HS2ST1: variants seen among roughly 807,000 people sequenced by gnomAD.
HS2ST1 encodes heparan sulfate 2-O-sulfotransferase 1, also known as 2-O-sulfotransferase.
HS2ST1 carries 18 observed loss-of-function variants against 42.9 expected under a neutral mutation model. The ratio of observed to expected loss-of-function variants is 0.42; its 90% CI spans 0.29 to 0.62. The LOEUF is 0.62. Ranked by LOEUF, HS2ST1 falls within the 20% of genes least tolerant of loss-of-function variation. The pLI, the probability that HS2ST1 is intolerant of heterozygous loss-of-function variation, is 0.21. For missense variants in HS2ST1, 334 were observed against 433.8 expected (o/e 0.77, Z 2.04); for synonymous variants, 146 against 152.9 (o/e 0.95, Z 0.33).
chr1:87,103,896 AAGT>A (rs1348546311), intron 6 of HS2ST1, among the ~76,000 whole-genome samples: 1 of 152,176 alleles, frequency 6.6e-6, no homozygotes, highest in African/African-American at 2.4e-5. Context: ...TACCATTTTG[AAGT>A]AGAGGTGTGA....
chr1:87,081,352 A>G (rs557606965), intron 2 of HS2ST1, among the ~76,000 whole-genome samples: 2 of 152,232 alleles, frequency 1.3e-5, no homozygotes, highest in Non-Finnish European at 2.9e-5. Context: ...AATTGAAATT[A>G]TATCAAATAT....
In HS2ST1 at chr1:86,993,264, G is replaced by A. The variant is rs1038908843; in HGVS notation, c.124+78104G>A. ...TTAGAAATCTAAAAACTGATAATAG[G>A]ATTTGGCAGGGGGGTACCCCATATT... On this transcript the variant is annotated intron_variant, in intron 1 of 6. Transcript: ENST00000370550. 2.8e-6 allele frequency: 3 copies of A among 1,069,278 alleles called. No homozygotes were observed. The Admixed American group carries it at 8.5e-5, about 30-fold the overall frequency. The allele number at this position is 1,069,278 out of a possible 1,614,324, so 66.2% of individuals were successfully genotyped here.
At chr1:87,102,344 C>T (rs895762444) in intron 5 of HS2ST1, among the ~76,000 whole-genome samples, 1 of 152,150 alleles carries the variant, frequency 6.6e-6, no homozygotes, top group African/African-American at 2.4e-5. Context: ...AGGTGTGAGC[C>T]ACCGCACCAG....
At chr1:87,071,337 G>C (rs1362928153) in intron 1 of HS2ST1, among the ~76,000 whole-genome samples, 1 of 152,166 alleles carries the variant, frequency 6.6e-6, no homozygotes, top group Non-Finnish European at 1.5e-5. Context: ...TTATTAAGTT[G>C]TCAGCATCAT....
chr1:86,959,599 A>G (rs1221457020), intron 1 of HS2ST1, among the ~76,000 whole-genome samples: 1 of 152,224 alleles, frequency 6.6e-6, no homozygotes, highest in African/African-American at 2.4e-5. Flanking sequence ...TGGATGTTGC[A>G]GAGAGCTGAG....
intron 1 of HS2ST1, among the ~76,000 whole-genome samples, chr1:87,009,315 A>G (rs1649526806): frequency 6.6e-6 from 1 of 152,224 alleles, no homozygotes; most frequent in Non-Finnish European, 1.5e-5. Context: ...GGAAAGAAGT[A>G]GGAAAGGTGA....
Position 87,109,796 on chromosome 1 carries a change from G to A in HS2ST1, c.*5100G>A, listed in dbSNP as rs902116942. The A allele has an allele frequency of 6.6e-6, 1 of 152,108 alleles. No individual in the cohort carries two copies. The highest frequency in any genetic ancestry group is 1.5e-5 in the Non-Finnish European group (1 of 67,992). The allele number at this position is 152,108 out of a possible 1,614,324, so 9.4% of individuals were successfully genotyped here. ...AGGGATCTGCATTTAGCAATGTGAT[G>A]TCAGTAAATGGACATAACAGGATTG... is the stretch of plus-strand genomic sequence containing the variant. On this transcript the variant is annotated 3_prime_UTR_variant, in exon 7 of 7. Transcript: ENST00000370550.
chr1:87,054,970 C>A (rs1201103449), intron 1 of HS2ST1, among the ~76,000 whole-genome samples: 1 of 152,258 alleles, frequency 6.6e-6, no homozygotes. Context: ...TATTACAAAG[C>A]CCTTCTTTGA....
intron 1 of HS2ST1, among the ~76,000 whole-genome samples, chr1:86,955,876 A>G (rs1033614714): frequency 1.3e-5 from 2 of 151,924 alleles, no homozygotes; most frequent in African/African-American, 2.4e-5. Flanking sequence ...GGCCCCAGCA[A>G]CTCAGGAAGC....
At chr1:87,035,073 A>G (rs1003843614) in intron 1 of HS2ST1, among the ~76,000 whole-genome samples, 1 of 152,226 alleles carries the variant, frequency 6.6e-6, no homozygotes, top group Non-Finnish European at 1.5e-5. Context: ...GGCTCAGTCC[A>G]TGAGCCAAGG....
intron 1 of HS2ST1, among the ~76,000 whole-genome samples, chr1:87,017,415 G>GC (rs2100584274): frequency 1.3e-5 from 2 of 152,274 alleles, no homozygotes; most frequent in South Asian, 4.1e-4. Context: ...GGGATTACAG[G>GC]CATAAGCCAC....
chr1:87,046,601 T>G, intron 1 of HS2ST1: 10 of 1,578,254 alleles, frequency 6.3e-6, no homozygotes, highest in Non-Finnish European at 8.7e-6. Flanking sequence ...TCTGTTGGAC[T>G]GGGCTGAAGT....
chr1:86,986,402 C>G (rs1217564655), intron 1 of HS2ST1, among the ~76,000 whole-genome samples: 6 of 152,188 alleles, frequency 3.9e-5, no homozygotes, highest in Non-Finnish European at 8.8e-5. Flanking sequence ...ACCAGCCAGT[C>G]TTCCGATTCT....
intron 1 of HS2ST1, among the ~76,000 whole-genome samples, chr1:86,979,763 A>C (rs924139649): frequency 6.6e-6 from 1 of 152,178 alleles, no homozygotes; most frequent in Non-Finnish European, 1.5e-5. Context: ...TCTATCTTTC[A>C]CTTTTTGAGG....
intron 1 of HS2ST1, among the ~76,000 whole-genome samples, chr1:86,966,530 G>T (rs969179189): frequency 2.0e-5 from 3 of 152,136 alleles, no homozygotes; most frequent in Admixed American, 2.0e-4. Context: ...TTTCTTAGTT[G>T]GATTAGAAAC....
chr1:87,058,280 C>CTACTAATTATTTGAAAGCCCGTTCTCTCT (rs1252696291), intron 1 of HS2ST1, among the ~76,000 whole-genome samples: 7 of 151,676 alleles, frequency 4.6e-5, no homozygotes, highest in East Asian at 1.9e-4. Context: ...TTACTTTGCA[C>CTACTAATTATTTGAAAGCCCGTTCTCTCT]TACTAATTAT....
chr1:87,040,665 T>G (rs771653134), intron 1 of HS2ST1, among the ~76,000 whole-genome samples: 2 of 152,140 alleles, frequency 1.3e-5, no homozygotes, highest in Non-Finnish European at 2.9e-5. Context: ...GCGTTCTGCT[T>G]ATAGAATGTT....
chr1:87,016,204 C>T (rs533557895), intron 1 of HS2ST1, among the ~76,000 whole-genome samples: 1 of 152,250 alleles, frequency 6.6e-6, no homozygotes, highest in South Asian at 2.1e-4. Flanking sequence ...TTATTTAACT[C>T]AGAATTTAAA....
At chr1:86,936,509 G>A (rs892210806) in intron 1 of HS2ST1, among the ~76,000 whole-genome samples, 2 of 152,086 alleles carry the variant, frequency 1.3e-5, no homozygotes, top group African/African-American at 4.8e-5. Flanking sequence ...CAAGTTTCAG[G>A]AGTTATAATC....
Sources: allele counts gnomAD v4.1 joint callset (sites outside exome capture counted in the v4.1 genomes callset), GRCh38; gene constraint gnomAD v4.1.1; transcripts MANE v1.5; gene names NCBI Gene and HGNC (gene_info 2026-07-23, HGNC 2026-07-21).